The following KLHL35 variants were observed in gnomAD, a reference collection of about 807,000 sequenced individuals.
KLHL35 encodes kelch like family member 35, also known as kelch-like protein 35.
Under a neutral mutation model 44.0 loss-of-function variants are expected in KLHL35, and 50 were observed. The ratio of observed to expected loss-of-function variants is 1.14; its 90% CI spans 0.91 to 1.44. KLHL35 has a LOEUF of 1.44. KLHL35 is among the 40% of genes most tolerant of loss of function. KLHL35 has a pLI of 0.00. For missense variants in KLHL35, 1,049 were observed against 887.8 expected, an observed-to-expected ratio of 1.18 and a Z score of -2.31; for synonymous variants, 470 against 410.4, an observed-to-expected ratio of 1.15 and a Z score of -1.76.
In KLHL35 at chr11:75,425,435, G is replaced by A. The variant is rs1948480961; in HGVS notation, c.1332C>T (p.Phe444=). ...CGCCCTGCCTGGCGCCCCCAATCAC[G>A]AAGAGCTTGCCCGCGCAGGACGCCA... The part of the protein sequence containing the change: ...AAVASCAGKL[F]VIGGARQGGV... The change falls in exon 5 of 7, where the codon TTC becomes TTT. Residue 444 remains phenylalanine, a synonymous_variant. Transcript: ENST00000539798. The A allele has an allele frequency of 3.2e-6, 5 of 1,570,806 alleles. No homozygotes were observed. The highest frequency in any genetic ancestry group is 3.4e-6 in the Non-Finnish European group (4 of 1,165,036).
intron 2 of KLHL35, among the ~76,000 whole-genome samples, chr11:75,429,425 A>G (rs1948515248): frequency 6.6e-6 from 1 of 152,136 alleles, no homozygotes; most frequent in South Asian, 2.1e-4. Flanking sequence ...CCCTCATTAG[A>G]CTGCGAGCTC....
intron 2 of KLHL35, 88 bp from the exon 3 acceptor site, chr11:75,428,714 G>T: frequency 8.5e-7 from 1 of 1,177,732 alleles, no homozygotes; most frequent in Non-Finnish European, 1.2e-6. Flanking sequence ...CGGTCCCGCT[G>T]CCCTTTCATG....
At chr11:75,432,978 T>TG (rs1437281129) in intron 1 of KLHL35, among the ~76,000 whole-genome samples, 65 bp downstream of exon 1, 1 of 152,168 alleles carries the variant, frequency 6.6e-6, no homozygotes, top group Non-Finnish European at 1.5e-5. Flanking sequence ...ATCTCAGACT[T>TG]GCGGACACCA....
Position 75,423,755 on chromosome 11 carries a change from T to A in KLHL35, c.1500A>T (p.Lys500Asn). The A allele has an allele frequency of 1.2e-6, 2 of 1,613,758 alleles. No individual in the cohort carries two copies. Among genetic ancestry groups the A allele is most frequent in the South Asian group, 2.2e-5 (2 of 91,064 alleles). Residue 500 changes from lysine (K) to asparagine (N), a missense_variant, in exon 6 of 7, where the codon AAA becomes AAT. Coordinates refer to ENST00000539798, the MANE Select transcript of KLHL35 (RefSeq NM_001039548.3). ...TIYVMGGLMS[K>N]IFTYDPGTDV... ...CTGTGCCTGGATCATAGGTGAAGATTTTGCTCATGAGACCCCCCATGACAT... is the reference window on the plus strand; with the variant it reads ...CTGTGCCTGGATCATAGGTGAAGATATTGCTCATGAGACCCCCCATGACAT...
At position 75,423,778 on chromosome 11, in the gene KLHL35, C is replaced by T; in HGVS notation, c.1477G>A (p.Val493Ile). Reference sequence around the variant, plus strand: ...ATTTTGCTCATGAGACCCCCCATGACATAGATGGTGTCCTCAAGGGAGACA... The same window carrying T: ...ATTTTGCTCATGAGACCCCCCATGATATAGATGGTGTCCTCAAGGGAGACA... ...EAVSLEDTIY[V>I]MGGLMSKIFT... The change falls in exon 6 of 7, where the codon GTC (valine) becomes ATC (isoleucine). Residue 493 changes from valine to isoleucine, a missense_variant. Coordinates refer to ENST00000539798, the MANE Select transcript of KLHL35 (RefSeq NM_001039548.3). 10 of 1,613,864 alleles carry T rather than the reference C, an allele frequency of 6.2e-6. No individual in the cohort carries two copies. Among genetic ancestry groups the T allele is most frequent in the South Asian group, 1.1e-5 (1 of 91,082 alleles).
chr11:75,431,288 T>C (rs1374027374), intron 1 of KLHL35, among the ~76,000 whole-genome samples: 3 of 152,218 alleles, frequency 2.0e-5, no homozygotes, highest in Non-Finnish European at 4.4e-5. Flanking sequence ...ACAGACAGCA[T>C]CATACACACA....
chr11:75,425,138 A>T (rs906818475), intron 5 of KLHL35, among the ~76,000 whole-genome samples: 2 of 152,100 alleles, frequency 1.3e-5, no homozygotes, highest in Admixed American at 6.5e-5. Flanking sequence ...TCTTGCCCTC[A>T]ATTTTTAAAA....
rs1948467329 is a variant in KLHL35, at chr11:75,423,536, T to A, written c.1563+156A>T. 5.8e-6 allele frequency: 4 copies of A among 686,916 alleles called. No individual in the cohort carries two copies. In the South Asian group the frequency reaches 7.3e-5, roughly 12 times the overall value. 42.6% of individuals were successfully genotyped at this position (686,916 alleles called of 1,614,324 possible). ...CTGAACCTCTCTAAGGCCAGTCTCC[T>A]CATCTGTGAAATGCATGGTTCACTA... On this transcript the variant is annotated intron_variant, in intron 6 of 6. Transcript: ENST00000539798.
chr11:75,424,804 A>G (rs1948476553), intron 5 of KLHL35: 1 of 152,338 alleles, frequency 6.6e-6, no homozygotes, highest in East Asian at 1.9e-4. Flanking sequence ...TGTCCCAACA[A>G]TAAAAGATGA....
At chr11:75,429,719 G>C (rs981766609) in intron 2 of KLHL35, 30 bp downstream of exon 2, 2 of 1,425,874 alleles carry the variant, frequency 1.4e-6, no homozygotes, top group Non-Finnish European at 1.8e-6. Context: ...GAAGAACGGA[G>C]GGCGGGAAGC....
intron 2 of KLHL35, 29 bp from the exon 3 acceptor site, chr11:75,428,655 TG>T (rs763374847): frequency 2.1e-5 from 32 of 1,535,882 alleles, no homozygotes; most frequent in Non-Finnish European, 2.8e-5. Context: ...CAGTGCCTGT[TG>T]GGCCGCACCC....
chr11:75,432,160 TA>T, intron 1 of KLHL35, among the ~76,000 whole-genome samples: 1 of 152,202 alleles, frequency 6.6e-6, no homozygotes, highest in East Asian at 1.9e-4. Context: ...CAGCTTACTC[TA>T]GGGGGCTCAG....
At chr11:75,428,816 A>G (rs1948511765) in intron 2 of KLHL35, among the ~76,000 whole-genome samples, 190 bp from the exon 3 acceptor site, 1 of 151,902 alleles carries the variant, frequency 6.6e-6, no homozygotes, top group South Asian at 2.1e-4. Flanking sequence ...TACTGGGAAG[A>G]GAATCGCTAA....
intron 5 of KLHL35, chr11:75,424,346 GA>G (rs1444636975): frequency 6.3e-6 from 1 of 158,524 alleles, no homozygotes; most frequent in African/African-American, 2.4e-5. Flanking sequence ...CCCCGACGGG[GA>G]TGTGTTCCTA....
At chr11:75,423,616 T>G (rs1948467866) in intron 6 of KLHL35, 76 bp downstream of exon 6, 1 of 1,238,204 alleles carries the variant, frequency 8.1e-7, no homozygotes. Context: ...TAGGATGGAG[T>G]CACAAGATTC....
chr11:75,427,928 C>A (rs1948504419), intron 3 of KLHL35, among the ~76,000 whole-genome samples: 1 of 152,184 alleles, frequency 6.6e-6, no homozygotes. Context: ...TCTCTCCTCT[C>A]CAGGACACTC....
intron 1 of KLHL35, 140 bp from the exon 2 acceptor site, chr11:75,430,770 C>T (rs965488600): frequency 2.8e-6 from 2 of 717,642 alleles, no homozygotes; most frequent in Non-Finnish European, 3.9e-6. Flanking sequence ...AGGTTCCTTA[C>T]GGCTACAGTG....
In KLHL35 at chr11:75,430,473, G is replaced by A. The variant is rs1440889177; in HGVS notation, c.157C>T (p.Pro53Ser). Residue 53 changes from proline (P) to serine (S), a missense_variant, in exon 2 of 7, where the codon CCG becomes TCG. Pro to Ser is a moderately conservative substitution (Grantham distance 74). Transcript: ENST00000539798. ...GCGCTGAGCGCCGCGCGGTGGCACG[G>A]AAAGTCGCGCCCGCCGGCGCGCAGC... ...VVLRAGGRDF[P>S]CHRAALSAGS... 1.4e-6 allele frequency: 2 copies of A among 1,401,878 alleles called. No individual in the cohort carries two copies. The highest frequency in any genetic ancestry group is 1.8e-6 in the Non-Finnish European group (2 of 1,081,606). The allele number at this position is 1,401,878 out of a possible 1,614,324, so 86.8% of individuals were successfully genotyped here. A position where few individuals can be genotyped will look rare whatever the true frequency, so the allele number is the denominator to read the frequency against.
Position 75,422,534 on chromosome 11 carries a change from C to A in KLHL35, c.*46G>T. 1 of 1,580,490 alleles carries A rather than the reference C, an allele frequency of 6.3e-7. No individual in the cohort carries two copies. Among genetic ancestry groups the A allele is most frequent in the South Asian group, 1.1e-5 (1 of 89,908 alleles). On this transcript the variant is annotated 3_prime_UTR_variant, in exon 7 of 7. Transcript: ENST00000539798. ...TGAGGGAGCAGAGTGTGCATCTGAG[C>A]TCCGCCTGCCTCTCCGCCTCCTGGC...
Sources: allele counts gnomAD v4.1 joint callset (sites outside exome capture counted in the v4.1 genomes callset), GRCh38; gene constraint gnomAD v4.1.1; transcripts MANE v1.5; gene names NCBI Gene and HGNC (gene_info 2026-07-23, HGNC 2026-07-21).